Variants in BRD10 observed in about 807,000 individuals in gnomAD.
The protein encoded by BRD10 is uncharacterized bromodomain-containing protein 10.
At chr9:5,942,738 T>C in the BRD10 span, among the ~76,000 whole-genome samples, 3 of 152,134 alleles carry the variant, frequency 2.0e-5, no homozygotes, top group African/African-American at 7.2e-5. Flanking sequence ...ATTTTAAAAC[T>C]AATATGCAAA....
At chr9:5,986,172 G>A in the BRD10 span, among the ~76,000 whole-genome samples, 4 of 152,112 alleles carry the variant, frequency 2.6e-5, no homozygotes, top group Admixed American at 6.5e-5. Context: ...CCCTCCCTGT[G>A]TCCATGTGTT....
At chr9:5,991,551 T>C in the BRD10 span, among the ~76,000 whole-genome samples, 126,725 of 151,818 alleles carry the variant, frequency 0.83, 54,761 homozygotes, top group Non-Finnish European at 0.97. Context: ...GGTAAAACCC[T>C]ATCTCTACTA....
chr9:5,950,408 G>C, the BRD10 span, among the ~76,000 whole-genome samples: 16 of 152,126 alleles, frequency 1.1e-4, no homozygotes, highest in Non-Finnish European at 2.4e-4. Context: ...TTACCCCACT[G>C]TACAAATGAG....
chr9:5,889,593 T>C, the BRD10 span, among the ~76,000 whole-genome samples: 1 of 152,170 alleles, frequency 6.6e-6, no homozygotes, highest in African/African-American at 2.4e-5. Flanking sequence ...GAGACCATCC[T>C]GGCCAACATG....
At chr9:5,943,618 A>G in the BRD10 span, among the ~76,000 whole-genome samples, 1 of 152,010 alleles carries the variant, frequency 6.6e-6, no homozygotes, top group African/African-American at 2.4e-5. Context: ...GGAATATATC[A>G]CAGCAGTAAA....
At chr9:5,967,985 TA>T in the BRD10 span, 2 of 1,297,128 alleles carry the variant, frequency 1.5e-6, no homozygotes, top group Non-Finnish European at 2.1e-6. Flanking sequence ...GAATTATACT[TA>T]AATATAACTC....
the BRD10 span, chr9:6,007,249 T>C: frequency 3.7e-6 from 6 of 1,613,916 alleles, no homozygotes; most frequent in South Asian, 1.1e-5. Context: ...CTGGCCCTGT[T>C]TGGAGATCCA....
the BRD10 span, among the ~76,000 whole-genome samples, chr9:5,953,846 G>T: frequency 1.3e-5 from 2 of 152,070 alleles, no homozygotes; most frequent in Admixed American, 1.3e-4. Context: ...AATACTAGCA[G>T]ATTAAATCTT....
At chr9:5,925,878 C>T in the BRD10 span, among the ~76,000 whole-genome samples, 145,083 of 152,270 alleles carry the variant, frequency 0.95, 69,407 homozygotes, top group Non-Finnish European at 0.99. Context: ...CCCTTAGTGT[C>T]GTTTATTCAA....
chr9:5,963,764 A>T, the BRD10 span, among the ~76,000 whole-genome samples: 1 of 152,088 alleles, frequency 6.6e-6, no homozygotes, highest in Admixed American at 6.6e-5. Flanking sequence ...ACCTACAACT[A>T]TATGATCTTT....
the BRD10 span, chr9:5,919,585 A>ACACACACACACACAC: frequency 7.4e-5 from 26 of 351,148 alleles, no homozygotes; most frequent in African/African-American, 1.2e-4. Flanking sequence ...CACACACACA[A>ACACACACACACACAC]TGTATAGTAT....
the BRD10 span, among the ~76,000 whole-genome samples, chr9:5,999,796 T>C: frequency 6.6e-6 from 1 of 152,282 alleles, no homozygotes; most frequent in African/African-American, 2.4e-5. Context: ...TGTGTCTTTC[T>C]ATATCCATCT....
At chr9:5,904,400 T>C in the BRD10 span, among the ~76,000 whole-genome samples, 2 of 152,330 alleles carry the variant, frequency 1.3e-5, no homozygotes, top group African/African-American at 4.8e-5. Flanking sequence ...TTTACTCTTT[T>C]TCTGCCTTTT....
At chr9:5,947,639 G>T in the BRD10 span, among the ~76,000 whole-genome samples, 1 of 151,546 alleles carries the variant, frequency 6.6e-6, no homozygotes, top group East Asian at 1.9e-4. Flanking sequence ...CCAATATATA[G>T]AGTCAAATTA....
the BRD10 span, among the ~76,000 whole-genome samples, chr9:5,941,791 C>CA: frequency 1.3e-4 from 20 of 151,840 alleles, no homozygotes; most frequent in African/African-American, 4.6e-4. Flanking sequence ...TAATTAAAAA[C>CA]AAAAAAACTT....
chr9:5,957,123 T>G, the BRD10 span, among the ~76,000 whole-genome samples: 1 of 152,138 alleles, frequency 6.6e-6, no homozygotes. Context: ...AGATTAACAT[T>G]TATTGAGAAC....
chr9:5,879,790 T>C, the BRD10 span, among the ~76,000 whole-genome samples: 1 of 152,228 alleles, frequency 6.6e-6, no homozygotes, highest in Non-Finnish European at 1.5e-5. Flanking sequence ...ACCTGCAGAA[T>C]GTCAGAGATA....
the BRD10 span, among the ~76,000 whole-genome samples, chr9:5,951,058 A>C: frequency 3.3e-5 from 5 of 150,956 alleles, no homozygotes; most frequent in African/African-American, 4.9e-5. Context: ...ACACACACAC[A>C]CACACACACA....
At chr9:6,002,333 A>G in the BRD10 span, among the ~76,000 whole-genome samples, 1 of 152,180 alleles carries the variant, frequency 6.6e-6, no homozygotes, top group Admixed American at 6.5e-5. Context: ...GGCTACTATA[A>G]TAAATAGAAC....
Sources: gnomAD v4.1 joint callset for allele counts (sites outside exome capture counted in the v4.1 genomes callset) on GRCh38, gnomAD v4.1.1 for gene constraint, MANE v1.5 for transcripts, NCBI Gene and HGNC (gene_info 2026-07-23, HGNC 2026-07-21) for gene names.